MAP3K20: variants seen among roughly 807,000 people sequenced by gnomAD.
MAP3K20 encodes the protein HCCS-4.
Under a neutral mutation model 85.7 loss-of-function variants are expected in MAP3K20, and 40 were observed. The ratio of observed to expected loss-of-function variants is 0.47; its 90% CI spans 0.36 to 0.61. The LOEUF is 0.61. Ranked by LOEUF, MAP3K20 falls within the 20% of genes least tolerant of loss-of-function variation. The pLI is 0.00. For synonymous variants in MAP3K20, 325 were observed against 327.7 expected (o/e 0.99, Z 0.09); for missense variants, 817 against 961.7 (o/e 0.85, Z 1.99).
At chr2:173,212,702 G>C (rs960612162) in intron 10 of MAP3K20, 2 of 151,898 alleles carry the variant, frequency 1.3e-5, no homozygotes, top group African/African-American at 4.8e-5. Flanking sequence ...GGGAGGCTGA[G>C]GTGGGAGGAT....
Position 173,251,680 on chromosome 2 carries a change from G to A in MAP3K20, c.1360-7019G>A, listed in dbSNP as rs118008125. ...GGGAATAGGCACGAGGGAAGGTTCT[G>A]GGGTACCGTAAATACCTTGCTTATT... On this transcript the variant is annotated intron_variant, in intron 16 of 19. Coordinates refer to ENST00000375213, the MANE Select transcript of MAP3K20 (RefSeq NM_016653.3). Among the ~76,000 whole-genome samples the A allele has an allele frequency of 4.5e-4, 69 of 152,266 alleles. No homozygotes were observed. The East Asian group carries it at 9.8e-3, about 22-fold the overall frequency.
intron 1 of MAP3K20, among the ~76,000 whole-genome samples, chr2:173,079,039 G>A (rs1395687792): frequency 1.3e-5 from 2 of 152,122 alleles, no homozygotes; most frequent in African/African-American, 2.4e-5. Context: ...ATGGGGATAC[G>A]TTCTGAGAGA....
At chr2:173,241,547 C>T (rs769099148) in intron 16 of MAP3K20, among the ~76,000 whole-genome samples, 5 of 152,076 alleles carry the variant, frequency 3.3e-5, no homozygotes, top group Non-Finnish European at 5.9e-5. Flanking sequence ...CTCAGGAGGT[C>T]AAGCCTGCAG....
chr2:173,182,049 A>T (rs1457312333), intron 3 of MAP3K20, among the ~76,000 whole-genome samples: 2 of 152,144 alleles, frequency 1.3e-5, no homozygotes, highest in Non-Finnish European at 2.9e-5. Context: ...CTGCACTCCA[A>T]CCTGGGCAAA....
At chr2:173,229,967 G>A (rs1308254820) in intron 12 of MAP3K20, among the ~76,000 whole-genome samples, 1 of 152,156 alleles carries the variant, frequency 6.6e-6, no homozygotes, top group Non-Finnish European at 1.5e-5. Flanking sequence ...GAGTAGCTAA[G>A]ACTATAGGTT....
At chr2:173,248,108 G>A (rs1684962243) in intron 16 of MAP3K20, among the ~76,000 whole-genome samples, 1 of 152,186 alleles carries the variant, frequency 6.6e-6, no homozygotes, top group Admixed American at 6.5e-5. Flanking sequence ...AGCTCCTGGG[G>A]CGGGGATTTT....
intron 2 of MAP3K20, among the ~76,000 whole-genome samples, chr2:173,094,415 A>G (rs901289886): frequency 1.3e-5 from 2 of 152,236 alleles, no homozygotes; most frequent in Admixed American, 6.5e-5. Flanking sequence ...TGTAACAATG[A>G]TAACAATAAT....
At chr2:173,096,266 T>C (rs901659890) in intron 2 of MAP3K20, among the ~76,000 whole-genome samples, 1 of 152,226 alleles carries the variant, frequency 6.6e-6, no homozygotes, top group African/African-American at 2.4e-5. Context: ...CCCACACATT[T>C]ACTTTTATAA....
intron 11 of MAP3K20, chr2:173,224,387 A>G (rs1684330910): frequency 6.1e-6 from 6 of 985,328 alleles, no homozygotes; most frequent in Non-Finnish European, 7.2e-6. Context: ...TAATTTATGT[A>G]TAAATCCATA....
intron 11 of MAP3K20, chr2:173,222,206 A>T (rs1684271807): frequency 1.0e-6 from 1 of 954,536 alleles, no homozygotes; most frequent in Non-Finnish European, 1.2e-6. Flanking sequence ...ATCCTGTCTC[A>T]AAAAACAAAA....
chr2:173,076,188 A>AGCGG (rs1319742414), intron 1 of MAP3K20, among the ~76,000 whole-genome samples, 186 bp downstream of exon 1: 3 of 151,208 alleles, frequency 2.0e-5, no homozygotes, highest in Admixed American at 1.3e-4. Context: ...GGCCGGAGCG[A>AGCGG]GCGGGCGGGC....
rs562643580 is a variant in MAP3K20, at chr2:173,177,865, A to C, written c.248-4989A>C. 5.2e-5 allele frequency among the ~76,000 whole-genome samples: 5 copies of C among 96,244 alleles called. No homozygotes were observed. The South Asian group carries it at 2.2e-3, about 43-fold the overall frequency. 63.1% of individuals were successfully genotyped at this position (96,244 alleles called of 152,430 possible). On this transcript the variant is annotated intron_variant, in intron 3 of 19. Transcript: ENST00000375213. Reference sequence around the variant, plus strand: ...AGGAAATGTATAGCTTTCAACACCTATATCAAAAAGAAGAAAATCTGAAGT... The same window carrying C: ...AGGAAATGTATAGCTTTCAACACCTCTATCAAAAAGAAGAAAATCTGAAGT...
chr2:173,098,665 GA>G (rs1415757429), intron 2 of MAP3K20, among the ~76,000 whole-genome samples: 1 of 152,204 alleles, frequency 6.6e-6, no homozygotes, highest in Non-Finnish European at 1.5e-5. Context: ...TTTTATGGCT[GA>G]AGAATATTGG....
intron 7 of MAP3K20, among the ~76,000 whole-genome samples, chr2:173,194,513 G>A (rs1191413520): frequency 1.3e-5 from 2 of 152,028 alleles, no homozygotes; most frequent in East Asian, 1.9e-4. Flanking sequence ...AGTTGTTAAG[G>A]TTGGGACCAT....
intron 10 of MAP3K20, among the ~76,000 whole-genome samples, chr2:173,213,394 TGAA>T (rs1404717262): frequency 6.6e-6 from 1 of 152,194 alleles, no homozygotes; most frequent in African/African-American, 2.4e-5. Context: ...TATCTTGACC[TGAA>T]CCAGTAAACC....
intron 1 of MAP3K20, 172 bp from the exon 2 acceptor site, chr2:173,090,826 C>A (rs1454933287): frequency 1.3e-5 from 17 of 1,259,504 alleles, no homozygotes; most frequent in Non-Finnish European, 1.5e-5. Flanking sequence ...GCGTGGGCTG[C>A]CAGGGTGAGT....
intron 2 of MAP3K20, among the ~76,000 whole-genome samples, chr2:173,148,517 A>G (rs1689202351): frequency 6.6e-6 from 1 of 152,182 alleles, no homozygotes; most frequent in Non-Finnish European, 1.5e-5. Flanking sequence ...GTCATGCTTT[A>G]TAGAATTGGC....
chr2:173,099,885 A>G (rs1347158827), intron 2 of MAP3K20, among the ~76,000 whole-genome samples: 1 of 152,226 alleles, frequency 6.6e-6, no homozygotes, highest in African/African-American at 2.4e-5. Context: ...TGTTGAGAGG[A>G]TTGAATGAGA....
intron 2 of MAP3K20, among the ~76,000 whole-genome samples, chr2:173,133,191 T>A (rs1428729668): frequency 6.6e-6 from 1 of 152,232 alleles, no homozygotes; most frequent in Non-Finnish European, 1.5e-5. Context: ...AGCAAAGCAA[T>A]GTAAACATCT....
Sources: allele counts gnomAD v4.1 joint callset (sites outside exome capture counted in the v4.1 genomes callset), GRCh38; gene constraint gnomAD v4.1.1; transcripts MANE v1.5; gene names NCBI Gene and HGNC (gene_info 2026-07-23, HGNC 2026-07-21).